The following SLC5A3 variants were observed in gnomAD, a reference collection of about 807,000 sequenced individuals.
The protein encoded by SLC5A3 is sodium/myo-inositol cotransporter.
Under a neutral mutation model 43.2 loss-of-function variants are expected in SLC5A3, and 10 were observed. The ratio of observed to expected loss-of-function variants is 0.23; its 90% confidence interval spans 0.14 to 0.39. The LOEUF is 0.39. SLC5A3 is among the 10% of genes least tolerant of loss of function. The probability of loss-of-function intolerance (pLI) is 1.00; values close to 1 mark genes in which losing one functional copy is unlikely to be tolerated. For missense variants in SLC5A3, 608 were observed against 893.4 expected, an observed-to-expected ratio of 0.68 and a Z score of 4.07; for synonymous variants, 349 against 322.0, an observed-to-expected ratio of 1.08 and a Z score of -0.90.
chr21:34,096,061 C>T lies in SLC5A3; in HGVS notation c.863C>T (p.Ala288Val). Reference sequence around the variant, plus strand: ...CAAGTCATCGTGCAGAGGGTCCTTGCAGCCAAAAACATTGCTCATGCCAAA... The same window carrying T: ...CAAGTCATCGTGCAGAGGGTCCTTGTAGCCAAAAACATTGCTCATGCCAAA... Reference protein sequence around the residue: ...ADQVIVQRVLAAKNIAHAKGS... With the variant: ...ADQVIVQRVLVAKNIAHAKGS... The change falls in exon 2 of 2, where the codon GCA (alanine) becomes GTA (valine). Residue 288 changes from alanine to valine, a missense_variant. This residue lies in a region of SLC5A3 where 398 missense variants were observed against 668.6 expected (regional missense o/e 0.60). Transcript: ENST00000381151. This position sits in a 1 kb window ranked among gnomAD's most constrained non-coding sequence, Gnocchi z 5.9. 4 of 1,614,136 alleles carry T rather than the reference C, an allele frequency of 2.5e-6. No homozygotes were observed. The highest frequency in any genetic ancestry group is 3.4e-6 in the Non-Finnish European group (4 of 1,179,994).
chr21:34,092,604 A>G (rs910227422), intron 1 of SLC5A3, among the ~76,000 whole-genome samples: 1 of 152,218 alleles, frequency 6.6e-6, no homozygotes, highest in African/African-American at 2.4e-5. Flanking sequence ...TATAGCTTCT[A>G]TATTTACCTT....
chr21:34,074,691 G>C (rs1989282613), intron 1 of SLC5A3, among the ~76,000 whole-genome samples: 1 of 152,162 alleles, frequency 6.6e-6, no homozygotes, highest in African/African-American at 2.4e-5. Flanking sequence ...TTCTCCACCA[G>C]GTGTAATAAA....
At position 34,101,943 on chromosome 21, in the gene SLC5A3, A is replaced by G; in HGVS notation, c.*4588A>G. ...GATGGTGTCAGAGTGCAGAGAAACA[A>G]TGGAGTTTTGATGCCAAAAAGGTTT... On this transcript the variant is annotated 3_prime_UTR_variant, in exon 2 of 2. Transcript: ENST00000381151. 1 of 1,000,150 alleles carries G rather than the reference A, an allele frequency of 1.0e-6. No homozygotes were observed. The allele number at this position is 1,000,150 out of a possible 1,614,324, so 62.0% of individuals were successfully genotyped here.
At position 34,106,083 on chromosome 21, in the gene SLC5A3, G is replaced by A; in HGVS notation, c.*8728G>A. ...AAATACACTGTTCTTTGTGTACTGT[G>A]TGTTATTTTGCCAGCTGCTGCATTA... On this transcript the variant is annotated 3_prime_UTR_variant, in exon 2 of 2. Transcript: ENST00000381151. 1.0e-6 allele frequency: 1 copy of A among 998,924 alleles called. No individual in the cohort carries two copies. The allele number at this position is 998,924 out of a possible 1,614,324, so 61.9% of individuals were successfully genotyped here.
chr21:34,100,158 G>T lies in SLC5A3; in HGVS notation c.*2803G>T, dbSNP rs558684465. The T allele has an allele frequency of 1.0e-6, 1 of 999,894 alleles. No homozygotes were observed. The highest frequency in any genetic ancestry group is 1.7e-5 in the African/African-American group (1 of 57,350). The allele number at this position is 999,894 out of a possible 1,614,324, so 61.9% of individuals were successfully genotyped here. A position where few individuals can be genotyped will look rare whatever the true frequency, so the allele number is the denominator to read the frequency against. ...GAATAGCTAAAAGTCAAAATGAGGT[G>T]AGGACACTGGTCTTGGAAGGTAGAG... On this transcript the variant is annotated 3_prime_UTR_variant, in exon 2 of 2. Transcript: ENST00000381151.
intron 1 of SLC5A3, among the ~76,000 whole-genome samples, chr21:34,090,552 A>G (rs539715560): frequency 2.0e-5 from 3 of 152,336 alleles, no homozygotes; most frequent in East Asian, 3.9e-4. Flanking sequence ...CTTTCTATAT[A>G]TAAATAACTT....
At position 34,097,634 on chromosome 21, in the gene SLC5A3, G is replaced by A; in HGVS notation, c.*279G>A. 1 of 1,148,622 alleles carries A rather than the reference G, an allele frequency of 8.7e-7. No individual in the cohort carries two copies. Among genetic ancestry groups the A allele is most frequent in the South Asian group, 3.0e-5 (1 of 33,512 alleles). The allele number at this position is 1,148,622 out of a possible 1,614,324, so 71.2% of individuals were successfully genotyped here. ...AGAAGAGACCAATTATTCTCACAGA[G>A]CACTTAGAGCAGAATATATGTTAAG... On this transcript the variant is annotated 3_prime_UTR_variant, in exon 2 of 2. Coordinates refer to ENST00000381151, the MANE Select transcript of SLC5A3 (RefSeq NM_006933.7).
At chr21:34,077,284 G>T (rs964001367) in intron 1 of SLC5A3, among the ~76,000 whole-genome samples, 3 of 152,196 alleles carry the variant, frequency 2.0e-5, no homozygotes, top group Non-Finnish European at 4.4e-5. Flanking sequence ...ATGAAACTTT[G>T]TAGACACTTT....
intron 1 of SLC5A3, among the ~76,000 whole-genome samples, chr21:34,086,846 T>C (rs370868097): frequency 6.8e-6 from 1 of 147,318 alleles, no homozygotes; most frequent in African/African-American, 2.5e-5. Context: ...GGATTCTTCA[T>C]GAGTTGACAT....
intron 1 of SLC5A3, among the ~76,000 whole-genome samples, chr21:34,081,446 A>G (rs919514250): frequency 1.3e-5 from 2 of 152,212 alleles, no homozygotes; most frequent in Admixed American, 6.5e-5. Flanking sequence ...CTTCTGCTTT[A>G]TAGAAAAATG....
chr21:34,092,608 T>G (rs1388671910), intron 1 of SLC5A3, among the ~76,000 whole-genome samples: 1 of 152,224 alleles, frequency 6.6e-6, no homozygotes, highest in Non-Finnish European at 1.5e-5. Context: ...GCTTCTATAT[T>G]TACCTTGCAT....
rs1979245821 is a variant in SLC5A3, at chr21:34,101,734, T to C, written c.*4379T>C. 1 of 991,686 alleles carries C rather than the reference T, an allele frequency of 1.0e-6. No individual in the cohort carries two copies. The highest frequency in any genetic ancestry group is 4.7e-5 in the South Asian group (1 of 21,142). 61.4% of individuals were successfully genotyped at this position (991,686 alleles called of 1,614,324 possible). A position where few individuals can be genotyped will look rare whatever the true frequency, so the allele number is the denominator to read the frequency against. On this transcript the variant is annotated 3_prime_UTR_variant, in exon 2 of 2. Transcript: ENST00000381151. Reference sequence around the variant, plus strand: ...AGGACTTTTAGATCCAAATAATGACTCATTAAATATAATTATGTTTTAAGT... The same window carrying C: ...AGGACTTTTAGATCCAAATAATGACCCATTAAATATAATTATGTTTTAAGT...
At position 34,101,258 on chromosome 21, in the gene SLC5A3, C is replaced by T. The variant is rs1432552499; in HGVS notation, c.*3903C>T. ...TTCATTAGATTTAGAGCTTGAAGCACCTTGGCTCTCAGCTACTTTAAACTC... is the reference window on the plus strand; with the variant it reads ...TTCATTAGATTTAGAGCTTGAAGCATCTTGGCTCTCAGCTACTTTAAACTC... On this transcript the variant is annotated 3_prime_UTR_variant, in exon 2 of 2. Transcript: ENST00000381151. 1.0e-6 allele frequency: 1 copy of T among 1,000,158 alleles called. No homozygotes were observed. Among genetic ancestry groups the T allele is most frequent in the Non-Finnish European group, 1.2e-6 (1 of 829,918 alleles). The allele number at this position is 1,000,158 out of a possible 1,614,324, so 62.0% of individuals were successfully genotyped here.
chr21:34,096,285 C>A lies in SLC5A3; in HGVS notation c.1087C>A (p.Leu363Ile). 6.2e-7 allele frequency: 1 copy of A among 1,614,134 alleles called. No individual in the cohort carries two copies. Among genetic ancestry groups the A allele is most frequent in the Non-Finnish European group, 8.5e-7 (1 of 1,180,016 alleles). ...GGTGATGAAGCTGGTTCCTGTGGGC[C>A]TTCGGGGTTTAATGATGGCAGTGAT... is the stretch of plus-strand genomic sequence containing the variant. ...RLVMKLVPVG[L>I]RGLMMAVMIA... The change falls in exon 2 of 2, where the codon CTT becomes ATT. Residue 363 changes from leucine (L) to isoleucine (I), a missense_variant. Physicochemically the swap from Leu to Ile is conservative, Grantham distance 5. This residue lies in a region of SLC5A3 where 398 missense variants were observed against 668.6 expected (regional missense o/e 0.60). Transcript: ENST00000381151. The surrounding 1 kb of genome is among the most constrained non-coding windows in gnomAD (Gnocchi z 5.9).
chr21:34,078,610 A>C (rs967017083), intron 1 of SLC5A3, among the ~76,000 whole-genome samples: 1 of 152,204 alleles, frequency 6.6e-6, no homozygotes, highest in African/African-American at 2.4e-5. Context: ...AATCAGTTTC[A>C]AAAAATTAAG....
At chr21:34,079,936 T>G (rs11910792) in intron 1 of SLC5A3, among the ~76,000 whole-genome samples, 1 of 152,258 alleles carries the variant, frequency 6.6e-6, no homozygotes, top group Admixed American at 6.5e-5. Context: ...TATTTCTGTT[T>G]ATCGCTTCTC....
In SLC5A3 at chr21:34,101,095, C is replaced by T. The variant is rs1979216762; in HGVS notation, c.*3740C>T. 4.0e-6 allele frequency: 4 copies of T among 999,880 alleles called. No homozygotes were observed. The highest frequency in any genetic ancestry group is 4.7e-5 in the South Asian group (1 of 21,282). The allele number at this position is 999,880 out of a possible 1,614,324, so 61.9% of individuals were successfully genotyped here. A position where few individuals can be genotyped will look rare whatever the true frequency, so the allele number is the denominator to read the frequency against. On this transcript the variant is annotated 3_prime_UTR_variant, in exon 2 of 2. Coordinates refer to ENST00000381151, the MANE Select transcript of SLC5A3 (RefSeq NM_006933.7). ...CCTTTCCTGTTAAATTACGTGACTA[C>T]AGAGACTTGCCAGGACAAAATTTTC... is the stretch of plus-strand genomic sequence containing the variant.
At chr21:34,092,960 A>T (rs1217451850) in intron 1 of SLC5A3, among the ~76,000 whole-genome samples, 1 of 152,220 alleles carries the variant, frequency 6.6e-6, no homozygotes, top group Non-Finnish European at 1.5e-5. Context: ...GCAGGGTTTC[A>T]TAACTGCGAA....
At chr21:34,076,874 G>T (rs1989344603) in intron 1 of SLC5A3, among the ~76,000 whole-genome samples, 1 of 152,178 alleles carries the variant, frequency 6.6e-6, no homozygotes, top group African/African-American at 2.4e-5. Context: ...AGCATCAAGA[G>T]AGTTTTATTC....
Sources: gnomAD v4.1 joint callset for allele counts (sites outside exome capture counted in the v4.1 genomes callset) on GRCh38, gnomAD v4.1.1 for gene constraint, gnomAD v4.1.1 regional missense constraint, Gnocchi (gnomAD v3.1) non-coding constraint, MANE v1.5 for transcripts, NCBI Gene and HGNC (gene_info 2026-07-23, HGNC 2026-07-21) for gene names.